HNRNPK: variants seen among roughly 807,000 people sequenced by gnomAD.
HNRNPK encodes dC-stretch binding protein.
Under a neutral mutation model 67.0 loss-of-function variants are expected in HNRNPK, and 7 were observed. That is an observed-to-expected ratio of 0.10 (90% CI 0.06 to 0.20). The LOEUF (loss-of-function observed/expected upper bound fraction) is 0.20. Ranked by LOEUF, HNRNPK falls within the 10% of genes least tolerant of loss-of-function variation. The pLI is 1.00. For missense variants in HNRNPK, 264 were observed against 606.5 expected (o/e 0.44, Z 5.93); for synonymous variants, 213 against 193.7 (o/e 1.10, Z -0.83).
At chr9:83,978,642 T>A (rs529154803) in intron 1 of HNRNPK, among the ~76,000 whole-genome samples, 190 bp from the exon 2 acceptor site, 20 of 152,362 alleles carry the variant, frequency 1.3e-4, no homozygotes, top group Admixed American at 3.3e-4. Flanking sequence ...CTGGTTTCAT[T>A]TTTTGCTAAG....
At chr9:83,976,887 G>A (rs1033263147) in intron 5 of HNRNPK, 108 bp downstream of exon 5, 2 of 608,552 alleles carry the variant, frequency 3.3e-6, no homozygotes, top group African/African-American at 1.9e-5. Flanking sequence ...TATTACAAAT[G>A]TCTTTGTAGC....
chr9:83,969,939 G>T, intron 16 of HNRNPK: 1 of 650,136 alleles, frequency 1.5e-6, no homozygotes, highest in Non-Finnish European at 2.9e-6. Flanking sequence ...GAAATGAGAA[G>T]TTTGCTTGGT....
chr9:83,979,629 G>A (rs1307569121), intron 1 of HNRNPK, among the ~76,000 whole-genome samples: 1 of 152,170 alleles, frequency 6.6e-6, no homozygotes, highest in Non-Finnish European at 1.5e-5. Context: ...GACAGGAAAT[G>A]GCGGCCCGCG....
intron 5 of HNRNPK, chr9:83,976,770 T>C (rs1564068100): frequency 7.7e-6 from 3 of 387,432 alleles, no homozygotes; most frequent in Non-Finnish European, 9.2e-6. Context: ...TGGACTCTTA[T>C]TAAAATGTGA....
intron 6 of HNRNPK, 146 bp downstream of exon 6, chr9:83,975,316 A>T: frequency 2.6e-6 from 2 of 755,364 alleles, no homozygotes; most frequent in South Asian, 1.8e-5. Context: ...TCAGTGACAA[A>T]AAGACTTAAT....
At chr9:83,971,219 G>A in intron 13 of HNRNPK, 54 bp downstream of exon 13, 2 of 1,169,552 alleles carry the variant, frequency 1.7e-6, no homozygotes, top group Admixed American at 1.7e-5. Flanking sequence ...CTGGAGAGCA[G>A]GTAAGCATCT....
rs112088787 is a variant in HNRNPK at position 83,973,270 on chromosome 9, A to ATT, written c.516+14_516+15dup. 6.6e-5 allele frequency: 82 copies of ATT among 1,233,490 alleles called. No individual in the cohort carries two copies. The highest frequency in any genetic ancestry group is 2.8e-4 in the Middle Eastern group (1 of 3,576). The allele number at this position is 1,233,490 out of a possible 1,614,324, so 76.4% of individuals were successfully genotyped here. ...ACTTTCCAGCAAAGAATACGGCAGA[A>ATT]TTTTTTTTTTTTTACCTCTCGAAGT... On this transcript the variant is annotated intron_variant, in intron 9 of 16. Transcript: ENST00000376263.
intron 3 of HNRNPK, 87 bp from the exon 4 acceptor site, chr9:83,977,873 T>C (rs944031890): frequency 2.1e-5 from 18 of 840,948 alleles, no homozygotes; most frequent in African/African-American, 8.5e-5. Flanking sequence ...TTGCTAATCT[T>C]AGGCATGTTT....
chr9:83,976,340 G>A (rs1957062553), intron 5 of HNRNPK, among the ~76,000 whole-genome samples: 1 of 152,308 alleles, frequency 6.6e-6, no homozygotes, highest in Middle Eastern at 3.4e-3. Flanking sequence ...AAAAAATTTA[G>A]AAATTTTGGT....
chr9:83,972,751 G>C, intron 10 of HNRNPK, 93 bp downstream of exon 10: 2 of 843,578 alleles, frequency 2.4e-6, no homozygotes, highest in South Asian at 2.5e-5. Flanking sequence ...GGCAAATAAA[G>C]ACTATTAGAC....
Position 83,972,961 on chromosome 9 carries a change from G to C in HNRNPK, c.528C>G (p.Thr176=), listed in dbSNP as rs201881795. 5.0e-6 allele frequency: 8 copies of C among 1,605,860 alleles called. No individual in the cohort carries two copies. In the East Asian group the frequency reaches 1.6e-4, roughly 31 times the overall value. ...KIKELRENTQ[T]TIKLFQECCP... is the part of the protein sequence containing the mutation. ...AGCATTCCTGGAAAAGCTTGATGGT[G>C]GTTTGAGTGTTCTGTAGTAAGATCA... The change falls in exon 10 of 17, where the codon ACC becomes ACG. Residue 176 remains threonine (T), a synonymous_variant. Transcript: ENST00000376263.
chr9:83,974,213 T>C (rs1956973660), intron 7 of HNRNPK, among the ~76,000 whole-genome samples: 1 of 151,958 alleles, frequency 6.6e-6, no homozygotes, highest in Non-Finnish European at 1.5e-5. Flanking sequence ...TTCAACATGT[T>C]CCCACAAATA....
At chr9:83,975,095 G>C (rs899173788) in intron 6 of HNRNPK, among the ~76,000 whole-genome samples, 2 of 152,298 alleles carry the variant, frequency 1.3e-5, no homozygotes, top group African/African-American at 4.8e-5. Context: ...CAAATGAGAA[G>C]TGAAGGAAAG....
In HNRNPK at chr9:83,973,186, G is replaced by C; in HGVS notation, c.516+100C>G. The C allele has an allele frequency of 9.8e-6, 8 of 814,064 alleles. No homozygotes were observed. In the South Asian group the frequency reaches 1.2e-4, roughly 12 times the overall value. 50.4% of individuals were successfully genotyped at this position (814,064 alleles called of 1,614,324 possible). A position where few individuals can be genotyped will look rare whatever the true frequency, so the allele number is the denominator to read the frequency against. ...TTGTCATTTGCGATAAGCAATCTTT[G>C]GAGGGAACTGAGAGGGGAAGCGAGA... is the stretch of plus-strand genomic sequence containing the variant. On this transcript the variant is annotated intron_variant, in intron 9 of 16. Coordinates refer to ENST00000376263, the MANE Select transcript of HNRNPK (RefSeq NM_031263.4).
At chr9:83,979,858 C>A (rs989272586) in intron 1 of HNRNPK, among the ~76,000 whole-genome samples, 2 of 152,202 alleles carry the variant, frequency 1.3e-5, no homozygotes, top group Non-Finnish European at 2.9e-5. Flanking sequence ...GCGGCGCGAC[C>A]TTCTCCCCGC....
Position 83,969,024 on chromosome 9 carries a change from C to T in HNRNPK, c.*383G>A, listed in dbSNP as rs551187765. ...CATGTGGACTATTGTTACTTTTCCT[C>T]CCTGTCCCACCCCCCAAATGTTACA... On this transcript the variant is annotated 3_prime_UTR_variant, in exon 17 of 17. Coordinates refer to ENST00000376263, the MANE Select transcript of HNRNPK (RefSeq NM_031263.4). 8.7e-5 allele frequency: 31 copies of T among 358,368 alleles called. No individual in the cohort carries two copies. The highest frequency in any genetic ancestry group is 5.2e-4 in the African/African-American group (25 of 47,846). The allele number at this position is 358,368 out of a possible 1,614,324, so 22.2% of individuals were successfully genotyped here.
chr9:83,979,472 T>C (rs1348118829), intron 1 of HNRNPK, among the ~76,000 whole-genome samples: 1 of 152,074 alleles, frequency 6.6e-6, no homozygotes, highest in African/African-American at 2.4e-5. Context: ...GCCTCAAAAA[T>C]CCGCTAAGTA....
intron 13 of HNRNPK, 168 bp from the exon 14 acceptor site, chr9:83,971,080 T>C (rs1418110185): frequency 1.3e-6 from 1 of 751,936 alleles, no homozygotes; most frequent in African/African-American, 1.7e-5. Flanking sequence ...TAGTTGGGAT[T>C]ATGAGTGAGC....
chr9:83,970,365 T>C (rs1956770203), intron 15 of HNRNPK, 34 bp from the exon 16 acceptor site: 3 of 1,534,560 alleles, frequency 2.0e-6, no homozygotes, highest in African/African-American at 1.4e-5. Flanking sequence ...GTGTTTACGA[T>C]ATACTTTTAA....
Sources: allele counts gnomAD v4.1 joint callset (sites outside exome capture counted in the v4.1 genomes callset), GRCh38; gene constraint gnomAD v4.1.1; transcripts MANE v1.5; gene names NCBI Gene and HGNC (gene_info 2026-07-23, HGNC 2026-07-21).